The following GTF2E2 variants were observed in gnomAD, a reference collection of about 807,000 sequenced individuals.
GTF2E2 encodes general transcription factor IIE subunit 2.
GTF2E2 carries 21 observed loss-of-function variants against 40.5 expected under a neutral mutation model. The ratio of observed to expected loss-of-function variants is 0.52; its 90% CI spans 0.37 to 0.75. GTF2E2 has a LOEUF of 0.75. GTF2E2 is among the 30% of genes least tolerant of loss of function. GTF2E2 has a pLI of 0.00. For synonymous variants in GTF2E2, 117 were observed against 121.6 expected (o/e 0.96, Z 0.25); for missense variants, 298 against 338.4 (o/e 0.88, Z 0.94).
intron 3 of GTF2E2, among the ~76,000 whole-genome samples, chr8:30,623,022 T>A (rs1311793827): frequency 6.6e-6 from 1 of 152,056 alleles, no homozygotes. Flanking sequence ...GAGATTAAAG[T>A]AAAGACAGGC....
intron 2 of GTF2E2, among the ~76,000 whole-genome samples, chr8:30,647,366 A>C (rs1055750885): frequency 6.6e-6 from 1 of 152,172 alleles, no homozygotes; most frequent in African/African-American, 2.4e-5. Context: ...GGATCACCTG[A>C]GGTCAGGAGT....
chr8:30,584,117 T>G (rs1001634261), intron 6 of GTF2E2, among the ~76,000 whole-genome samples: 3 of 152,074 alleles, frequency 2.0e-5, no homozygotes, highest in African/African-American at 7.2e-5. Context: ...ACGATCAGTA[T>G]TTATTTTGTG....
At chr8:30,645,383 A>AC (rs1563508635) in intron 2 of GTF2E2, 3 of 1,535,654 alleles carry the variant, frequency 2.0e-6, no homozygotes, top group Non-Finnish European at 2.6e-6. Flanking sequence ...CAAAAAATTT[A>AC]CCCTTTCCAT....
intron 2 of GTF2E2, among the ~76,000 whole-genome samples, chr8:30,640,485 GCT>G: frequency 6.6e-6 from 1 of 151,884 alleles, no homozygotes; most frequent in Non-Finnish European, 1.5e-5. Flanking sequence ...AAACACATAT[GCT>G]AAAAAAAAAT....
In GTF2E2 at chr8:30,607,136, C is replaced by T; in HGVS notation, c.564G>A (p.Gln188=). 1 of 1,397,648 alleles carries T rather than the reference C, an allele frequency of 7.2e-7. No homozygotes were observed. The allele number at this position is 1,397,648 out of a possible 1,614,324, so 86.6% of individuals were successfully genotyped here. ...TATCGGGACGATTTACAAATAGTATCTGGTCCCCCAAAGCCTTAAAGATAG... is the reference window on the plus strand; with the variant it reads ...TATCGGGACGATTTACAAATAGTATTTGGTCCCCCAAAGCCTTAAAGATAG... ...SQKAVKALGD[Q]ILFVNRPDKK... Residue 188 remains glutamine (Q), a synonymous_variant, in exon 6 of 8, where the codon CAG becomes CAA. Transcript: ENST00000355904.
At chr8:30,620,233 C>CACACAA (rs138894058) in intron 3 of GTF2E2, among the ~76,000 whole-genome samples, 7,987 of 34,458 alleles carry the variant, frequency 0.23, 671 homozygotes, top group African/African-American at 0.46. Flanking sequence ...CTTATACACA[C>CACACAA]ACACAAACAC....
chr8:30,645,591 G>A (rs1199196921), intron 2 of GTF2E2: 14 of 1,535,058 alleles, frequency 9.1e-6, no homozygotes, highest in Non-Finnish European at 1.1e-5. Context: ...AAACTGAAGT[G>A]GTCTAACACT....
At chr8:30,617,172 TC>T (rs1800945827) in intron 3 of GTF2E2, among the ~76,000 whole-genome samples, 1 of 152,028 alleles carries the variant, frequency 6.6e-6, no homozygotes, top group African/African-American at 2.4e-5. Flanking sequence ...TTACTGAACC[TC>T]ATTGGGCTTC....
chr8:30,599,940 G>A (rs940392161), intron 6 of GTF2E2, among the ~76,000 whole-genome samples: 5 of 152,106 alleles, frequency 3.3e-5, no homozygotes, highest in African/African-American at 7.2e-5. Flanking sequence ...CGGAGATCAC[G>A]CCACTGCACC....
chr8:30,596,013 T>C (rs1429600674), intron 6 of GTF2E2, among the ~76,000 whole-genome samples: 4 of 152,250 alleles, frequency 2.6e-5, no homozygotes, highest in African/African-American at 9.6e-5. Flanking sequence ...ATAAGAACTC[T>C]GCATTCTTTT....
chr8:30,591,207 C>T (rs1242688881), intron 6 of GTF2E2, among the ~76,000 whole-genome samples: 3 of 152,218 alleles, frequency 2.0e-5, no homozygotes, highest in East Asian at 1.9e-4. Flanking sequence ...ACAGATGGAC[C>T]GGATGTGGTG....
chr8:30,647,977 T>C (rs1802152132), intron 2 of GTF2E2, among the ~76,000 whole-genome samples: 1 of 152,150 alleles, frequency 6.6e-6, no homozygotes, highest in African/African-American at 2.4e-5. Flanking sequence ...GTCACTACAA[T>C]GGAGCACATT....
intron 6 of GTF2E2, among the ~76,000 whole-genome samples, chr8:30,604,144 T>C (rs187711977): frequency 6.6e-6 from 1 of 152,236 alleles, no homozygotes; most frequent in East Asian, 1.9e-4. Flanking sequence ...TACTTTTCTT[T>C]TTATGAACCC....
chr8:30,651,844 C>G (rs1012175348), intron 2 of GTF2E2, among the ~76,000 whole-genome samples: 1 of 152,134 alleles, frequency 6.6e-6, no homozygotes, highest in Admixed American at 6.6e-5. Context: ...CTACAGCACT[C>G]AAGAGAAATG....
At chr8:30,607,880 A>G (rs1829367224) in intron 5 of GTF2E2, among the ~76,000 whole-genome samples, 1 of 152,228 alleles carries the variant, frequency 6.6e-6, no homozygotes, top group Admixed American at 6.5e-5. Context: ...AAATAATAAG[A>G]AAATAGAAGA....
At chr8:30,656,825 A>ATAAAT (rs1563515554) in intron 1 of GTF2E2, 2 of 151,678 alleles carry the variant, frequency 1.3e-5, no homozygotes, top group African/African-American at 4.9e-5. Context: ...AAAAAAAAAA[A>ATAAAT]AAGTAAATAA....
chr8:30,595,922 G>A (rs1309168081), intron 6 of GTF2E2, among the ~76,000 whole-genome samples: 4 of 152,134 alleles, frequency 2.6e-5, no homozygotes, highest in African/African-American at 9.7e-5. Context: ...TGCTGTGTAC[G>A]GAATTCTGGG....
chr8:30,583,745 A>ATTTATAT (rs1828581433), intron 6 of GTF2E2, among the ~76,000 whole-genome samples: 1 of 152,308 alleles, frequency 6.6e-6, no homozygotes, highest in African/African-American at 2.4e-5. Context: ...ATTTATATCT[A>ATTTATAT]CATATTTATT....
chr8:30,620,919 A>G (rs1391396891), intron 3 of GTF2E2, among the ~76,000 whole-genome samples: 1 of 151,472 alleles, frequency 6.6e-6, no homozygotes, highest in African/African-American at 2.4e-5. Context: ...ACAGAGTGAT[A>G]TTACATCTTG....
Sources: allele counts gnomAD v4.1 joint callset (sites outside exome capture counted in the v4.1 genomes callset), GRCh38; gene constraint gnomAD v4.1.1; transcripts MANE v1.5; gene names NCBI Gene and HGNC (gene_info 2026-07-23, HGNC 2026-07-21).